The following ROR1 variants were observed in gnomAD, a reference collection of about 807,000 sequenced individuals.
ROR1 encodes inactive tyrosine-protein kinase transmembrane receptor ROR1.
A neutral mutation model predicts 78.8 loss-of-function variants in ROR1; 19 were observed. The ratio of observed to expected loss-of-function variants is 0.24; its 90% CI spans 0.17 to 0.35. The LOEUF (loss-of-function observed/expected upper bound fraction) is 0.35. Ranked by LOEUF, ROR1 falls within the 10% of genes least tolerant of loss-of-function variation. The pLI is 1.00. For missense variants in ROR1, 917 were observed against 1,177.8 expected (o/e 0.78, Z 3.24); for synonymous variants, 386 against 433.6 (o/e 0.89, Z 1.36).
At chr1:63,915,117 A>G (rs994970556) in intron 1 of ROR1, among the ~76,000 whole-genome samples, 1 of 152,200 alleles carries the variant, frequency 6.6e-6, no homozygotes, top group African/African-American at 2.4e-5. Flanking sequence ...AAACATACAA[A>G]AACTGAGTCT....
chr1:63,811,182 A>G (rs2100269624), intron 1 of ROR1, among the ~76,000 whole-genome samples: 1 of 152,326 alleles, frequency 6.6e-6, no homozygotes, highest in East Asian at 1.9e-4. Flanking sequence ...TCTGTTTATA[A>G]TTGTGTGCTC....
intron 1 of ROR1, among the ~76,000 whole-genome samples, chr1:63,821,482 G>T (rs1028587388): frequency 6.6e-6 from 1 of 152,178 alleles, no homozygotes; most frequent in Admixed American, 6.5e-5. Flanking sequence ...GTGAGTTGAT[G>T]TGTTAGTGAT....
At chr1:63,933,494 T>C (rs1645770262) in intron 1 of ROR1, among the ~76,000 whole-genome samples, 1 of 152,220 alleles carries the variant, frequency 6.6e-6, no homozygotes, top group South Asian at 2.1e-4. Flanking sequence ...ATTTGCTGAA[T>C]GAATAAGCAT....
intron 1 of ROR1, among the ~76,000 whole-genome samples, chr1:63,818,063 T>C (rs1644902923): frequency 6.6e-6 from 1 of 152,202 alleles, no homozygotes; most frequent in Non-Finnish European, 1.5e-5. Flanking sequence ...CGTATTATTA[T>C]TGCTGTTTTG....
intron 4 of ROR1, among the ~76,000 whole-genome samples, chr1:64,068,704 A>T (rs1646977464): frequency 6.6e-6 from 1 of 152,170 alleles, no homozygotes; most frequent in Admixed American, 6.5e-5. Context: ...TAGTTTTTTG[A>T]CCTAATGGCT....
intron 1 of ROR1, among the ~76,000 whole-genome samples, chr1:63,887,895 A>G (rs992237326): frequency 9.9e-5 from 15 of 152,160 alleles, no homozygotes; most frequent in East Asian, 3.9e-4. Flanking sequence ...ATTTTACTTC[A>G]TTATCTTATT....
chr1:64,009,578 C>T (rs1282639743), intron 2 of ROR1, among the ~76,000 whole-genome samples: 3 of 152,270 alleles, frequency 2.0e-5, no homozygotes, highest in South Asian at 2.1e-4. Flanking sequence ...CTTTCCCCCC[C>T]TCGTTCCTTT....
intron 4 of ROR1, among the ~76,000 whole-genome samples, chr1:64,102,770 AT>A (rs1303341980): frequency 6.6e-6 from 1 of 152,112 alleles, no homozygotes; most frequent in Non-Finnish European, 1.5e-5. Flanking sequence ...CTAGGGCAGG[AT>A]TTTTTTAACC....
chr1:63,908,237 CT>C (rs906970201), intron 1 of ROR1, among the ~76,000 whole-genome samples: 10 of 152,144 alleles, frequency 6.6e-5, no homozygotes, highest in African/African-American at 2.4e-4. Flanking sequence ...ATTTCTCCCC[CT>C]GAAGCAAGCT....
chr1:64,122,072 G>A (rs990783592), intron 4 of ROR1, among the ~76,000 whole-genome samples: 2 of 152,120 alleles, frequency 1.3e-5, no homozygotes, highest in Admixed American at 1.3e-4. Context: ...CACTTAGCCT[G>A]CATTTAGTTG....
chr1:63,888,343 G>A (rs931525825), intron 1 of ROR1, among the ~76,000 whole-genome samples: 2 of 152,078 alleles, frequency 1.3e-5, no homozygotes, highest in Admixed American at 6.5e-5. Flanking sequence ...AGCTGGGCAC[G>A]GTGGTTCATA....
intron 4 of ROR1, among the ~76,000 whole-genome samples, chr1:64,092,117 C>G (rs1044594972): frequency 5.4e-5 from 8 of 149,000 alleles, no homozygotes; most frequent in African/African-American, 2.0e-4. Flanking sequence ...CCCTCCCTCC[C>G]TCCCTTCCTC....
At chr1:64,130,046 G>A (rs1569823030) in intron 4 of ROR1, among the ~76,000 whole-genome samples, 1 of 152,280 alleles carries the variant, frequency 6.6e-6, no homozygotes, top group East Asian at 1.9e-4. Context: ...AGAAAAAAAG[G>A]TGGTATGAAA....
intron 4 of ROR1, among the ~76,000 whole-genome samples, chr1:64,054,279 ATTC>A (rs780603544): frequency 2.7e-4 from 41 of 149,490 alleles, no homozygotes; most frequent in Non-Finnish European, 3.6e-4. Flanking sequence ...AGTCCTTGTC[ATTC>A]TTGCTTTTTT....
chr1:63,805,435 A>G (rs529031350), intron 1 of ROR1, among the ~76,000 whole-genome samples: 33 of 152,370 alleles, frequency 2.2e-4, no homozygotes, highest in African/African-American at 7.5e-4. Flanking sequence ...CAGCAGAAAG[A>G]AGATGGGGGC....
chr1:64,036,618 C>T (rs114257257), intron 2 of ROR1, among the ~76,000 whole-genome samples: 221 of 152,262 alleles, frequency 1.5e-3, no homozygotes, highest in African/African-American at 4.9e-3. Context: ...CTTCCTAGCA[C>T]GGAATCTGTC....
intron 1 of ROR1, among the ~76,000 whole-genome samples, chr1:63,869,289 C>T (rs72928782): frequency 0.023 from 3,504 of 152,168 alleles, 137 homozygotes; most frequent in African/African-American, 0.081. Flanking sequence ...TCTAATAATC[C>T]AGAATTTAAA....
chr1:64,142,973 G>A (rs1649368858), intron 7 of ROR1: 18 of 1,126,436 alleles, frequency 1.6e-5, no homozygotes, highest in Admixed American at 4.4e-5. Flanking sequence ...AGAATGGTCT[G>A]CGTCCAAGTG....
At chr1:63,964,634 G>A (rs1646058972) in intron 1 of ROR1, among the ~76,000 whole-genome samples, 1 of 152,168 alleles carries the variant, frequency 6.6e-6, no homozygotes, top group Non-Finnish European at 1.5e-5. Flanking sequence ...CTAATTCTGA[G>A]GTGATAGTAG....
Sources: allele counts gnomAD v4.1 joint callset (sites outside exome capture counted in the v4.1 genomes callset), GRCh38; gene constraint gnomAD v4.1.1; transcripts MANE v1.5; gene names NCBI Gene and HGNC (gene_info 2026-07-23, HGNC 2026-07-21).